The following MIER3 variants were observed in gnomAD, a reference collection of about 807,000 sequenced individuals.
MIER3 encodes mesoderm induction early response protein 3.
Under a neutral mutation model 63.2 loss-of-function variants are expected in MIER3, and 9 were observed. That is an observed-to-expected ratio of 0.14 (90% CI 0.09 to 0.25). The LOEUF (loss-of-function observed/expected upper bound fraction) is 0.25, where lower values mean the gene tolerates loss of function less well. Among genes scored for constraint, MIER3 ranks in the 10% least tolerant of loss-of-function variants. The probability of loss-of-function intolerance (pLI) is 1.00; values close to 1 mark genes in which losing one functional copy is unlikely to be tolerated. For missense variants in MIER3, 512 were observed against 666.2 expected (o/e 0.77, Z 2.55); for synonymous variants, 205 against 224.9 (o/e 0.91, Z 0.79).
chr5:56,931,467 T>C (rs1750264363), intron 8 of MIER3, among the ~76,000 whole-genome samples: 1 of 152,324 alleles, frequency 6.6e-6, no homozygotes, highest in East Asian at 1.9e-4. Flanking sequence ...ACATTATGTG[T>C]ATCAAGACAT....
At position 56,923,379 on chromosome 5, in the gene MIER3, T is replaced by A. The variant is rs761210538; in HGVS notation, c.1402A>T (p.Met468Leu). 2.0e-5 allele frequency: 33 copies of A among 1,614,184 alleles called. No homozygotes were observed. The highest frequency in any genetic ancestry group is 2.8e-5 in the Non-Finnish European group (33 of 1,180,026). ...TGFYHSELNP[M>L]NMCSEESERP... Reference sequence around the variant, plus strand: ...TCTGACTCTTCACTGCACATGTTCATAGGGTTTAGCTCCGAGTGATAAAAT... The same window carrying A: ...TCTGACTCTTCACTGCACATGTTCAAAGGGTTTAGCTCCGAGTGATAAAAT... The change falls in exon 13 of 13, where the codon ATG (methionine) becomes TTG (leucine). Residue 468 changes from methionine (M) to leucine (L), a missense_variant. Around this residue, in one of 5 missense-constraint regions of MIER3, gnomAD observed 218 missense variants for 251.2 expected, o/e 0.87. Coordinates refer to ENST00000381199, the MANE Select transcript of MIER3 (RefSeq NM_001297599.2).
In MIER3 at chr5:56,923,022, G is replaced by A. The variant is rs899318506; in HGVS notation, c.*106C>T. The A allele has an allele frequency of 3.7e-5, 30 of 820,534 alleles. No individual in the cohort carries two copies. Among genetic ancestry groups the A allele is most frequent in the Admixed American group, 1.8e-4 (7 of 39,468 alleles). 50.8% of individuals were successfully genotyped at this position (820,534 alleles called of 1,614,324 possible). ...TTCTATACATACTGACATCACTGAT[G>A]TCATAGTGAGAAAGGTTCAAACTTC... On this transcript the variant is annotated 3_prime_UTR_variant, in exon 13 of 13. Coordinates refer to ENST00000381199, the MANE Select transcript of MIER3 (RefSeq NM_001297599.2).
intron 8 of MIER3, among the ~76,000 whole-genome samples, chr5:56,931,948 T>C (rs1237415406): frequency 6.6e-6 from 1 of 152,196 alleles, no homozygotes; most frequent in African/African-American, 2.4e-5. Context: ...CAGTTTAAGA[T>C]ACATTTTTTA....
At chr5:56,926,682 C>G (rs941450041) in intron 10 of MIER3, among the ~76,000 whole-genome samples, 1 of 152,112 alleles carries the variant, frequency 6.6e-6, no homozygotes, top group African/African-American at 2.4e-5. Context: ...AAAATAAACA[C>G]ATTTTCACCA....
intron 3 of MIER3, among the ~76,000 whole-genome samples, chr5:56,940,712 T>A (rs1750616291): frequency 6.6e-6 from 1 of 152,224 alleles, no homozygotes; most frequent in African/African-American, 2.4e-5. Context: ...TTGAATTGGA[T>A]GGTCAGAACA....
intron 7 of MIER3, among the ~76,000 whole-genome samples, chr5:56,934,243 C>T (rs1445187694): frequency 6.6e-6 from 1 of 151,908 alleles, no homozygotes; most frequent in African/African-American, 2.4e-5. Context: ...ATTATCATCC[C>T]AACTGTAGGA....
At chr5:56,930,111 A>G (rs1750206717) in intron 9 of MIER3, among the ~76,000 whole-genome samples, 2 of 152,188 alleles carry the variant, frequency 1.3e-5, no homozygotes, top group Admixed American at 6.5e-5. Flanking sequence ...CATTCTACAC[A>G]TATTTAATGA....
At chr5:56,929,181 T>A (rs537852092) in intron 9 of MIER3, 239 of 190,502 alleles carry the variant, frequency 1.3e-3, no homozygotes, top group East Asian at 0.01. Flanking sequence ...TTAAAAAAAA[T>A]TTTTTTAAAC....
At position 56,920,151 on chromosome 5, in the gene MIER3, T is replaced by C. The variant is rs370030538; in HGVS notation, c.*2977A>G. ...ATTTTAAAAATTAAAAAGGAAATGATTGCACAATTCTTTGATCTAATTGTA... is the reference window on the plus strand; with the variant it reads ...ATTTTAAAAATTAAAAAGGAAATGACTGCACAATTCTTTGATCTAATTGTA... On this transcript the variant is annotated 3_prime_UTR_variant, in exon 13 of 13. Coordinates refer to ENST00000381199, the MANE Select transcript of MIER3 (RefSeq NM_001297599.2). 3 of 152,598 alleles carry C rather than the reference T, an allele frequency of 2.0e-5. No homozygotes were observed. Among genetic ancestry groups the C allele is most frequent in the African/African-American group, 7.2e-5 (3 of 41,458 alleles). The allele number at this position is 152,598 out of a possible 1,614,324, so 9.5% of individuals were successfully genotyped here.
chr5:56,927,638 A>G (rs371884209), intron 10 of MIER3, among the ~76,000 whole-genome samples: 3 of 152,190 alleles, frequency 2.0e-5, no homozygotes, highest in African/African-American at 7.2e-5. Context: ...GTTCCTATAT[A>G]TCCTGAAGTT....
intron 2 of MIER3, among the ~76,000 whole-genome samples, chr5:56,947,426 C>A (rs1236543251): frequency 6.6e-6 from 1 of 151,890 alleles, no homozygotes; most frequent in Non-Finnish European, 1.5e-5. Flanking sequence ...AAAGCAATAG[C>A]AAAATATCAG....
Position 56,933,254 on chromosome 5 carries a change from T to C in MIER3, c.740A>G (p.Asn247Ser), listed in dbSNP as rs749333836. 5.6e-6 allele frequency: 9 copies of C among 1,607,142 alleles called. No homozygotes were observed. Among genetic ancestry groups the C allele is most frequent in the South Asian group, 1.1e-5 (1 of 89,692 alleles). ...RISAGTHTRD[N>S]EQALYELLKC... ...ACAGAAGCTGAAGTATACCTGTTCA[T>C]TGTCCCTTGTGTGTGTTCCTGCAGA... Residue 247 changes from asparagine to serine, a missense_variant, in exon 8 of 13, where the codon AAT becomes AGT. Coordinates refer to ENST00000381199, the MANE Select transcript of MIER3 (RefSeq NM_001297599.2).
chr5:56,943,335 T>TAA (rs71965607), intron 3 of MIER3, among the ~76,000 whole-genome samples: 21 of 146,300 alleles, frequency 1.4e-4, no homozygotes, highest in South Asian at 4.3e-4. Flanking sequence ...TGTGGAAATT[T>TAA]AAAAAAAAAA....
At chr5:56,928,710 T>G (rs1280319515) in intron 10 of MIER3, 57 bp downstream of exon 10, 4 of 1,215,132 alleles carry the variant, frequency 3.3e-6, no homozygotes, top group Non-Finnish European at 4.7e-6. Flanking sequence ...ACTTATAAAT[T>G]AGTTGCTTAC....
At chr5:56,946,887 A>G (rs1247549801) in intron 3 of MIER3, 39 bp downstream of exon 3, 2 of 1,368,632 alleles carry the variant, frequency 1.5e-6, no homozygotes, top group African/African-American at 3.1e-5. Flanking sequence ...AGAATTTCAA[A>G]ATCTTTGTTA....
chr5:56,924,167 A>G, intron 10 of MIER3, 125 bp from the exon 11 acceptor site: 1 of 890,274 alleles, frequency 1.1e-6, no homozygotes, highest in Non-Finnish European at 1.6e-6. Flanking sequence ...AGTTCTGAAC[A>G]CTTTTAATAA....
At chr5:56,938,359 C>T (rs1050089928) in intron 4 of MIER3, 2 of 470,994 alleles carry the variant, frequency 4.2e-6, no homozygotes, top group African/African-American at 2.0e-5. Flanking sequence ...AGGAAAGGTT[C>T]CCAGGGATCT....
chr5:56,932,227 TCC>T (rs1750294336), intron 8 of MIER3, among the ~76,000 whole-genome samples: 1 of 152,096 alleles, frequency 6.6e-6, no homozygotes, highest in South Asian at 2.1e-4. Context: ...GCCACTGCAC[TCC>T]AGCCTGGGTG....
At chr5:56,935,855 A>G (rs562222665) in intron 5 of MIER3, 104 bp from the exon 6 acceptor site, 68 of 798,042 alleles carry the variant, frequency 8.5e-5, no homozygotes, top group African/African-American at 7.1e-4. Context: ...TGAGATCAGC[A>G]TAAGTATACT....
Sources: allele counts gnomAD v4.1 joint callset (sites outside exome capture counted in the v4.1 genomes callset), GRCh38; gene constraint gnomAD v4.1.1; regional missense constraint gnomAD v4.1.1; transcripts MANE v1.5; gene names NCBI Gene and HGNC (gene_info 2026-07-23, HGNC 2026-07-21).